Variants in UNC80 observed in about 807,000 individuals in gnomAD.
The protein encoded by UNC80 is protein unc-80 homolog.
A neutral mutation model predicts 384.6 loss-of-function variants in UNC80; 164 were observed. The observed-to-expected ratio is 0.43, with a 90% CI of 0.38 to 0.49. The LOEUF (loss-of-function observed/expected upper bound fraction) is 0.49. UNC80 is among the 20% of genes least tolerant of loss of function. The pLI, the probability that UNC80 is intolerant of heterozygous loss-of-function variation, is 0.00. For missense variants in UNC80, 3,330 were observed against 4,143.0 expected (o/e 0.80, Z 5.39); for synonymous variants, 1,486 against 1,527.8 (o/e 0.97, Z 0.64).
At chr2:209,907,977 T>A (rs918617499) in intron 29 of UNC80, among the ~76,000 whole-genome samples, 1 of 152,224 alleles carries the variant, frequency 6.6e-6, no homozygotes, top group African/African-American at 2.4e-5. Flanking sequence ...AATAAGTGCT[T>A]CTAACTTTAA....
chr2:209,874,002 A>G (rs867686071), intron 23 of UNC80, among the ~76,000 whole-genome samples: 2 of 150,480 alleles, frequency 1.3e-5, no homozygotes, highest in Non-Finnish European at 3.0e-5. Context: ...TGTGTGTATG[A>G]TATGTTGGAG....
intron 61 of UNC80, among the ~76,000 whole-genome samples, chr2:209,991,730 A>G (rs771302501): frequency 2.6e-5 from 4 of 152,156 alleles, no homozygotes; most frequent in African/African-American, 4.8e-5. Context: ...GATGTGTTCG[A>G]TATTTGTCCA....
intron 29 of UNC80, among the ~76,000 whole-genome samples, chr2:209,905,657 A>G (rs981490194): frequency 6.6e-6 from 1 of 152,232 alleles, no homozygotes; most frequent in African/African-American, 2.4e-5. Flanking sequence ...TACAGCAGCA[A>G]CAGGAAACTA....
At chr2:209,949,591 C>G (rs1275502529) in intron 47 of UNC80, among the ~76,000 whole-genome samples, 1 of 152,146 alleles carries the variant, frequency 6.6e-6, no homozygotes, top group Non-Finnish European at 1.5e-5. Flanking sequence ...AATTCTCCTG[C>G]CTCTGCCTCC....
At chr2:209,983,967 C>T (rs887053863) in intron 60 of UNC80, among the ~76,000 whole-genome samples, 2 of 152,052 alleles carry the variant, frequency 1.3e-5, no homozygotes, top group Non-Finnish European at 2.9e-5. Context: ...TTATAGTGAA[C>T]TTTTAGGTGA....
intron 24 of UNC80, among the ~76,000 whole-genome samples, chr2:209,878,401 A>G (rs1411250693): frequency 6.6e-6 from 1 of 152,196 alleles, no homozygotes; most frequent in Admixed American, 6.5e-5. Flanking sequence ...CTGAGGCACT[A>G]TAGTTGTGGA....
chr2:209,886,078 T>C (rs1037005090), intron 25 of UNC80, among the ~76,000 whole-genome samples: 4 of 152,082 alleles, frequency 2.6e-5, no homozygotes, highest in African/African-American at 7.2e-5. Context: ...TTTTATCTTA[T>C]TGATGAGAAT....
In UNC80 at chr2:209,973,100, T is replaced by A; in HGVS notation, c.8417T>A (p.Leu2806Gln). ...CTGGAGCAGCCTGAGGTGCAGCTGC[T>A]GCTGCAGACAGTCATCAATGTACTC... is the stretch of plus-strand genomic sequence containing the variant. ...PWLEQPEVQL[L>Q]LQTVINVLLP... The change falls in exon 56 of 65, where the codon CTG becomes CAG. Residue 2806 changes from leucine (L) to glutamine (Q), a missense_variant. Coordinates refer to ENST00000673920, the MANE Select transcript of UNC80 (RefSeq NM_001371986.1). The A allele has an allele frequency of 6.4e-7, 1 of 1,551,650 alleles. No individual in the cohort carries two copies. Among genetic ancestry groups the A allele is most frequent in the Non-Finnish European group, 8.7e-7 (1 of 1,146,998 alleles).
chr2:209,945,997 A>G, intron 47 of UNC80, 54 bp downstream of exon 47: 1 of 1,189,996 alleles, frequency 8.4e-7, no homozygotes, highest in Non-Finnish European at 1.2e-6. Context: ...GGCAGAGAAA[A>G]TAAAATTGAA....
rs777602239 is a variant in UNC80, at chr2:209,967,502, G to T, written c.7871G>T (p.Arg2624Leu). 1 of 1,551,372 alleles carries T rather than the reference G, an allele frequency of 6.4e-7. No homozygotes were observed. Among genetic ancestry groups the T allele is most frequent in the African/African-American group, 1.4e-5 (1 of 72,944 alleles). ...APYDTQTMES[R>L]GLRRYIMEML... ...TATGACACTCAGACAATGGAGAGTCGTGGGCTTCGGCGCTACATCATGGAG... is the reference window on the plus strand; with the variant it reads ...TATGACACTCAGACAATGGAGAGTCTTGGGCTTCGGCGCTACATCATGGAG... The change falls in exon 52 of 65, where the codon CGT becomes CTT. Residue 2624 changes from arginine (R) to leucine (L), a missense_variant. Around this residue, in one of 8 missense-constraint regions of UNC80, gnomAD observed 1,049 missense variants for 1,488.6 expected, o/e 0.70. Transcript: ENST00000673920.
rs373580032 is a variant in UNC80, at chr2:209,914,007, AAG to A, written c.5029+72_5029+73del. 3.1e-4 allele frequency: 460 copies of A among 1,470,532 alleles called. No individual in the cohort carries two copies. In the African/African-American group the frequency reaches 5.8e-3, roughly 18 times the overall value. The allele number at this position is 1,470,532 out of a possible 1,614,324, so 91.1% of individuals were successfully genotyped here. A position where few individuals can be genotyped will look rare whatever the true frequency, so the allele number is the denominator to read the frequency against. On this transcript the variant is annotated intron_variant, in intron 31 of 64. Transcript: ENST00000673920. ...CTGTTACTGATCCAAGTGTTTAAATAAGAGAGGTGTTTCCATTCTATTTTTGC... is the reference window on the plus strand; with the variant it reads ...CTGTTACTGATCCAAGTGTTTAAATAAGAGGTGTTTCCATTCTATTTTTGC...
intron 62 of UNC80, among the ~76,000 whole-genome samples, chr2:209,992,754 AAG>A (rs2093415783): frequency 6.6e-6 from 1 of 152,228 alleles, no homozygotes; most frequent in African/African-American, 2.4e-5. Flanking sequence ...GGCAAAGAAA[AAG>A]AAGTCCTTTC....
chr2:209,867,927 G>C (rs2083974065), intron 22 of UNC80, among the ~76,000 whole-genome samples: 1 of 152,108 alleles, frequency 6.6e-6, no homozygotes, highest in Non-Finnish European at 1.5e-5. Flanking sequence ...TGATCATATT[G>C]TCAGAAACAG....
At chr2:209,903,404 T>TA (rs1370407488) in intron 28 of UNC80, among the ~76,000 whole-genome samples, 1 of 120,492 alleles carries the variant, frequency 8.3e-6, no homozygotes, top group African/African-American at 3.2e-5. Context: ...ATATATATAT[T>TA]ATATATATAC....
intron 7 of UNC80, among the ~76,000 whole-genome samples, chr2:209,808,346 T>C (rs2079043954): frequency 6.6e-6 from 1 of 152,058 alleles, no homozygotes; most frequent in African/African-American, 2.4e-5. Flanking sequence ...GTGGGTCACC[T>C]GAGGTCAGAT....
chr2:209,873,663 T>TA (rs1382989324), intron 23 of UNC80, among the ~76,000 whole-genome samples: 3 of 152,246 alleles, frequency 2.0e-5, no homozygotes, highest in Non-Finnish European at 2.9e-5. Flanking sequence ...CTGCTAATTT[T>TA]AGACAGAGCT....
At position 209,978,478 on chromosome 2, in the gene UNC80, G is replaced by C. The variant is rs1039006344; in HGVS notation, c.8939-51G>C. The C allele has an allele frequency of 2.8e-6, 4 of 1,426,680 alleles. No individual in the cohort carries two copies. In the Admixed American group the frequency reaches 8.7e-5, roughly 31 times the overall value. The allele number at this position is 1,426,680 out of a possible 1,614,324, so 88.4% of individuals were successfully genotyped here. ...AGTGGTCAGGGAGGACTTTGAAGTGGACATTTAAGATTCTCACCATGCATT... is the reference window on the plus strand; with the variant it reads ...AGTGGTCAGGGAGGACTTTGAAGTGCACATTTAAGATTCTCACCATGCATT... On this transcript the variant is annotated intron_variant, in intron 58 of 64. Coordinates refer to ENST00000673920, the MANE Select transcript of UNC80 (RefSeq NM_001371986.1).
At chr2:209,776,144 A>T in intron 3 of UNC80, 99 bp downstream of exon 3, 1 of 1,459,956 alleles carries the variant, frequency 6.8e-7, no homozygotes, top group South Asian at 1.3e-5. Flanking sequence ...TTTCTCAAGC[A>T]CTGTGCATAT....
rs939607005 is a variant in UNC80 at position 209,995,767 on chromosome 2, A to G, written c.*172A>G. 2 of 732,572 alleles carry G rather than the reference A, an allele frequency of 2.7e-6. No individual in the cohort carries two copies. The highest frequency in any genetic ancestry group is 3.5e-5 in the African/African-American group (2 of 56,344). The allele number at this position is 732,572 out of a possible 1,614,324, so 45.4% of individuals were successfully genotyped here. On this transcript the variant is annotated 3_prime_UTR_variant, in exon 65 of 65. Transcript: ENST00000673920. The stretch of plus-strand genomic sequence containing the variant: ...CCAATACACATGATGTTTCATAAAC[A>G]TCTTAAAAGTCAATGGCTAAAAGGA...
Sources: gnomAD v4.1 joint callset for allele counts (sites outside exome capture counted in the v4.1 genomes callset) on GRCh38, gnomAD v4.1.1 for gene constraint, gnomAD v4.1.1 regional missense constraint, MANE v1.5 for transcripts, NCBI Gene and HGNC (gene_info 2026-07-23, HGNC 2026-07-21) for gene names.